The following MRPS6 variants were observed in gnomAD, a reference collection of about 807,000 sequenced individuals.
MRPS6 encodes mitochondrial ribosomal protein S6.
Under a neutral mutation model 13.1 loss-of-function variants are expected in MRPS6, and 6 were observed. The ratio of observed to expected loss-of-function variants is 0.46; its 90% CI spans 0.25 to 0.91. The LOEUF (loss-of-function observed/expected upper bound fraction) is 0.91, where lower values mean the gene tolerates loss of function less well. Ranked by LOEUF, MRPS6 falls within the 40% of genes least tolerant of loss-of-function variation. The pLI, the probability that MRPS6 is intolerant of heterozygous loss-of-function variation, is 0.18. For missense variants in MRPS6, 164 were observed against 155.6 expected (o/e 1.05, Z -0.29); for synonymous variants, 61 against 56.5 (o/e 1.08, Z -0.36).
intron 2 of MRPS6, among the ~76,000 whole-genome samples, chr21:34,140,135 CCTCT>C (rs1331308801): frequency 6.6e-6 from 1 of 150,886 alleles, no homozygotes; most frequent in East Asian, 1.9e-4. Context: ...GGGGATTTCT[CCTCT>C]CTCTCTCTCT....
intron 2 of MRPS6, among the ~76,000 whole-genome samples, chr21:34,132,011 A>T (rs1256853569): frequency 6.6e-6 from 1 of 152,238 alleles, no homozygotes; most frequent in African/African-American, 2.4e-5. Context: ...AGAAAAGGAT[A>T]TGTACTGGAA....
At chr21:34,074,288 G>T (rs1989268280) in intron 1 of MRPS6, among the ~76,000 whole-genome samples, 1 of 152,102 alleles carries the variant, frequency 6.6e-6, no homozygotes, top group Non-Finnish European at 1.5e-5. Context: ...GCTTGTTTGT[G>T]CCGTTGTCTG....
In MRPS6 at chr21:34,142,687, T is replaced by C; in HGVS notation, c.*87T>C. 1 of 1,416,400 alleles carries C rather than the reference T, an allele frequency of 7.1e-7. No individual in the cohort carries two copies. Among genetic ancestry groups the C allele is most frequent in the Non-Finnish European group, 9.2e-7 (1 of 1,081,382 alleles). 87.7% of individuals were successfully genotyped at this position (1,416,400 alleles called of 1,614,324 possible). A position where few individuals can be genotyped will look rare whatever the true frequency, so the allele number is the denominator to read the frequency against. On this transcript the variant is annotated 3_prime_UTR_variant, in exon 3 of 3. Transcript: ENST00000399312. ...AAGGAAGAATTTGCAAGTTTGGCCT[T>C]TATATAAGCATGTGTTGCAGGTGCT... is the stretch of plus-strand genomic sequence containing the variant.
chr21:34,097,276 A>G lies in MRPS6; in HGVS notation c.45+23531A>G, dbSNP rs775198034. 4 of 1,613,768 alleles carry G rather than the reference A, an allele frequency of 2.5e-6. No individual in the cohort carries two copies. In the East Asian group the frequency reaches 8.9e-5, roughly 36 times the overall value. Reference sequence around the variant, plus strand: ...TTACAGATGCTAGAAGAGACTCGGCAAGTTAAAGTAATACTAAATATTGGA... The same window carrying G: ...TTACAGATGCTAGAAGAGACTCGGCGAGTTAAAGTAATACTAAATATTGGA... On this transcript the variant is annotated intron_variant, in intron 1 of 2. Coordinates refer to ENST00000399312, the MANE Select transcript of MRPS6 (RefSeq NM_032476.4).
At chr21:34,077,429 A>G (rs1469068212) in intron 1 of MRPS6, among the ~76,000 whole-genome samples, 1 of 152,332 alleles carries the variant, frequency 6.6e-6, no homozygotes, top group East Asian at 1.9e-4. Flanking sequence ...GTTGGCATAG[A>G]TTATGAAAGC....
At chr21:34,133,811 G>A (rs1980592233) in intron 2 of MRPS6, among the ~76,000 whole-genome samples, 2 of 152,196 alleles carry the variant, frequency 1.3e-5, no homozygotes, top group African/African-American at 4.8e-5. Flanking sequence ...AGGAAGAGGC[G>A]GGAGCTCAGA....
At chr21:34,124,794 TC>T (rs1980243794) in intron 1 of MRPS6, 1 of 152,766 alleles carries the variant, frequency 6.5e-6, no homozygotes, top group African/African-American at 2.4e-5. Flanking sequence ...TTGTGTTCTG[TC>T]CTTTATTAGA....
At chr21:34,105,404 C>A in intron 1 of MRPS6, 1 of 998,770 alleles carries the variant, frequency 1.0e-6, no homozygotes, top group Non-Finnish European at 1.2e-6. Context: ...CTAATAATAT[C>A]CTGTGAAATT....
intron 1 of MRPS6, among the ~76,000 whole-genome samples, chr21:34,117,734 A>G (rs900838211): frequency 6.6e-6 from 1 of 152,176 alleles, no homozygotes. Flanking sequence ...GTCTGCCCAT[A>G]AGAGATCATT....
rs997315474 is a variant in MRPS6 at position 34,099,001 on chromosome 21, A to AT, written c.45+25263dup. 10 of 990,440 alleles carry AT rather than the reference A, an allele frequency of 1.0e-5. No homozygotes were observed. In the African/African-American group the frequency reaches 1.6e-4, roughly 16 times the overall value. 61.4% of individuals were successfully genotyped at this position (990,440 alleles called of 1,614,324 possible). ...TTTGAATCAAAACTCAGTCTTTTTA[A>AT]TTTTTTTGTAGTCTATAAACTAGTT... On this transcript the variant is annotated intron_variant, in intron 1 of 2. Transcript: ENST00000399312.
intron 1 of MRPS6, among the ~76,000 whole-genome samples, chr21:34,078,057 A>G (rs544689967): frequency 7.3e-4 from 111 of 152,324 alleles, no homozygotes; most frequent in Non-Finnish European, 1.4e-3. Context: ...CTTGGCAAGC[A>G]TTTGATAACT....
rs1184816984 is a variant in MRPS6 at position 34,142,409 on chromosome 21, T to TG, written c.187_188insG (p.Tyr63Ter). The change falls in exon 3 of 3, where the codon TAT becomes TGAT. Residue 63 changes from tyrosine to a stop codon, truncating the protein, a stop_gained and frameshift_variant and splice_region_variant. Transcript: ENST00000399312. LOFTEE classifies it high-confidence loss of function. ...AHSQQHNRGGYFLVDFYAPTA... is the reference protein window; with the variant it reads ...AHSQQHNRGG ...TCACAAGTTTTTATTTTATTGCAGG[T>TG]ATTTCTTGGTGGATTTTTATGCACC... 4 of 1,565,526 alleles carry TG rather than the reference T, an allele frequency of 2.6e-6. No individual in the cohort carries two copies. The African/African-American group carries it at 5.5e-5, about 22-fold the overall frequency.
chr21:34,105,363 GTCT>G (rs1381463532), intron 1 of MRPS6: 5 of 999,462 alleles, frequency 5.0e-6, no homozygotes, highest in East Asian at 1.1e-4. Flanking sequence ...AAAGTTAGTA[GTCT>G]TCTTCAAGAA....
intron 1 of MRPS6, among the ~76,000 whole-genome samples, chr21:34,119,603 G>T (rs1980050714): frequency 6.6e-6 from 1 of 152,136 alleles, no homozygotes; most frequent in African/African-American, 2.4e-5. Context: ...GTAGGTAGAT[G>T]CTGCATGCTG....
intron 2 of MRPS6, among the ~76,000 whole-genome samples, chr21:34,126,480 T>G (rs1038132886): frequency 3.3e-5 from 5 of 152,206 alleles, no homozygotes; most frequent in Non-Finnish European, 5.9e-5. Context: ...GTGTTCAGCT[T>G]CTTGAGAACA....
chr21:34,099,623 T>C (rs1979142299), intron 1 of MRPS6: 4 of 999,098 alleles, frequency 4.0e-6, no homozygotes, highest in Non-Finnish European at 3.6e-6. Context: ...TCTCCCTTTA[T>C]TTAACATTGA....
intron 2 of MRPS6, chr21:34,135,353 T>G (rs936916206): frequency 8.6e-5 from 14 of 162,430 alleles, no homozygotes; most frequent in African/African-American, 2.2e-4. Flanking sequence ...CCGGTTTTTT[T>G]TTTTTTTTTT....
intron 1 of MRPS6, among the ~76,000 whole-genome samples, chr21:34,119,659 G>T (rs1224554577): frequency 1.3e-5 from 2 of 152,156 alleles, no homozygotes; most frequent in African/African-American, 4.8e-5. Context: ...TGGGGAACTA[G>T]GGTGTGGTAG....
At position 34,096,297 on chromosome 21, in the gene MRPS6, A is replaced by G. The variant is rs1453698963; in HGVS notation, c.45+22552A>G. On this transcript the variant is annotated intron_variant, in intron 1 of 2. Coordinates refer to ENST00000399312, the MANE Select transcript of MRPS6 (RefSeq NM_032476.4). This position sits in a 1 kb window ranked among gnomAD's most constrained non-coding sequence, Gnocchi z 5.9. ...GGTTCCTGTGGGCCTTCGGGGTTTA[A>G]TGATGGCAGTGATGATTGCAGCTCT... 1 of 1,614,132 alleles carries G rather than the reference A, an allele frequency of 6.2e-7. No individual in the cohort carries two copies. The highest frequency in any genetic ancestry group is 8.5e-7 in the Non-Finnish European group (1 of 1,180,016).
Sources: gnomAD v4.1 joint callset for allele counts (sites outside exome capture counted in the v4.1 genomes callset) on GRCh38, gnomAD v4.1.1 for gene constraint, Gnocchi (gnomAD v3.1) non-coding constraint, MANE v1.5 for transcripts, NCBI Gene and HGNC (gene_info 2026-07-23, HGNC 2026-07-21) for gene names.